The following SPECC1 variants were observed in gnomAD, a reference collection of about 807,000 sequenced individuals.
SPECC1 encodes the protein sperm antigen with calponin homology and coiled-coil domains 1, also known as cytospin-B.
Under a neutral mutation model 104.1 loss-of-function variants are expected in SPECC1, and 62 were observed. The ratio of observed to expected loss-of-function variants is 0.60; its 90% confidence interval spans 0.49 to 0.74. The LOEUF is 0.74. SPECC1 is among the 30% of genes least tolerant of loss of function. The probability of loss-of-function intolerance (pLI) is 0.00; values close to 1 mark genes in which losing one functional copy is unlikely to be tolerated. For missense variants in SPECC1, 1,306 were observed against 1,310.5 expected (o/e 1.00, Z 0.05); for synonymous variants, 513 against 501.6 (o/e 1.02, Z -0.30).
At chr17:20,160,179 C>T (rs2033004585) in intron 3 of SPECC1, among the ~76,000 whole-genome samples, 1 of 152,082 alleles carries the variant, frequency 6.6e-6, no homozygotes, top group African/African-American at 2.4e-5. Flanking sequence ...AGATAAATTC[C>T]AAAATAGCCA....
At chr17:20,252,127 T>C (rs1001557000) in intron 9 of SPECC1, among the ~76,000 whole-genome samples, 1 of 152,152 alleles carries the variant, frequency 6.6e-6, no homozygotes, top group African/African-American at 2.4e-5. Flanking sequence ...TTGAATAATA[T>C]CATGCTTACT....
chr17:20,273,366 T>C (rs2040469583), intron 12 of SPECC1, among the ~76,000 whole-genome samples: 1 of 151,762 alleles, frequency 6.6e-6, no homozygotes, highest in African/African-American at 2.4e-5. Context: ...TAGTCCCAAC[T>C]GCTTGGGAGG....
At chr17:20,159,085 C>T (rs1208817891) in intron 3 of SPECC1, among the ~76,000 whole-genome samples, 1 of 151,916 alleles carries the variant, frequency 6.6e-6, no homozygotes, top group Non-Finnish European at 1.5e-5. Context: ...GCTGAGACTG[C>T]AGGTGTGCAC....
intron 1 of SPECC1, among the ~76,000 whole-genome samples, chr17:20,015,006 C>T (rs572139123): frequency 6.6e-6 from 1 of 152,320 alleles, no homozygotes; most frequent in Admixed American, 6.5e-5. Flanking sequence ...CCACCTGCCT[C>T]GGCCTCCCAA....
chr17:20,297,941 G>A (rs1036448505), intron 13 of SPECC1, among the ~76,000 whole-genome samples: 2 of 152,218 alleles, frequency 1.3e-5, no homozygotes, highest in African/African-American at 2.4e-5. Context: ...CTTATAACAA[G>A]TAAAATTATA....
Position 20,314,913 on chromosome 17 carries a change from T to A in SPECC1, c.*848T>A. The A allele has an allele frequency of 4.3e-6, 1 of 232,270 alleles. No individual in the cohort carries two copies. Among genetic ancestry groups the A allele is most frequent in the Non-Finnish European group, 8.5e-6 (1 of 117,370 alleles). The allele number at this position is 232,270 out of a possible 1,614,324, so 14.4% of individuals were successfully genotyped here. Reference sequence around the variant, plus strand: ...AATGCAAGGGAGCCCCTGGCTGCTTTGCTGGAGTCCCTGGGAGGTGCCCCA... The same window carrying A: ...AATGCAAGGGAGCCCCTGGCTGCTTAGCTGGAGTCCCTGGGAGGTGCCCCA... On this transcript the variant is annotated 3_prime_UTR_variant, in exon 15 of 15. Coordinates refer to ENST00000395527, the MANE Select transcript of SPECC1 (RefSeq NM_001243439.2).
intron 2 of SPECC1, among the ~76,000 whole-genome samples, chr17:20,101,012 T>C (rs1480602098): frequency 2.0e-5 from 3 of 152,254 alleles, no homozygotes; most frequent in Non-Finnish European, 4.4e-5. Context: ...TTTTTATGGC[T>C]GCATAGTATT....
At chr17:20,123,659 C>T (rs2049146846) in intron 3 of SPECC1, among the ~76,000 whole-genome samples, 1 of 152,190 alleles carries the variant, frequency 6.6e-6, no homozygotes, top group East Asian at 1.9e-4. Flanking sequence ...AAATTCAAAC[C>T]CAGGTCCGAC....
At chr17:20,244,324 T>G (rs2039331084) in intron 7 of SPECC1, among the ~76,000 whole-genome samples, 1 of 152,218 alleles carries the variant, frequency 6.6e-6, no homozygotes. Flanking sequence ...AAACCTAACC[T>G]GATTTCTTTT....
chr17:20,154,412 G>A (rs780888930), intron 3 of SPECC1, among the ~76,000 whole-genome samples: 4 of 152,098 alleles, frequency 2.6e-5, no homozygotes, highest in South Asian at 2.1e-4. Flanking sequence ...TGTAGGTGTC[G>A]GGAGGAAGAA....
At chr17:20,260,006 A>T (rs542737559) in intron 11 of SPECC1, among the ~76,000 whole-genome samples, 186 bp from the exon 12 acceptor site, 1 of 152,366 alleles carries the variant, frequency 6.6e-6, no homozygotes, top group African/African-American at 2.4e-5. Flanking sequence ...AGGAAGCACA[A>T]TTTAATTTTT....
chr17:20,131,293 G>A (rs962212406), intron 3 of SPECC1, among the ~76,000 whole-genome samples: 2 of 152,014 alleles, frequency 1.3e-5, no homozygotes, highest in East Asian at 3.9e-4. Context: ...CCAGATTCAA[G>A]TGATTCTCCT....
chr17:20,140,064 GC>G (rs1409860111), intron 3 of SPECC1, among the ~76,000 whole-genome samples: 1 of 152,168 alleles, frequency 6.6e-6, no homozygotes, highest in Non-Finnish European at 1.5e-5. Context: ...TTGAGTTGCT[GC>G]TGGTGGTTAA....
Position 20,237,409 on chromosome 17 carries a change from G to T in SPECC1, c.2351+5004G>T, listed in dbSNP as rs1202631720. 17 of 463,802 alleles carry T rather than the reference G, an allele frequency of 3.7e-5. No individual in the cohort carries two copies. In the Admixed American group the frequency reaches 9.3e-4, roughly 25 times the overall value. 28.7% of individuals were successfully genotyped at this position (463,802 alleles called of 1,614,324 possible). A position where few individuals can be genotyped will look rare whatever the true frequency, so the allele number is the denominator to read the frequency against. On this transcript the variant is annotated intron_variant, in intron 7 of 14. Coordinates refer to ENST00000395527, the MANE Select transcript of SPECC1 (RefSeq NM_001243439.2). ...GGCTCACTGCAACCTCTGCCTCCCGGGTTCAAGTGATTCTCTTGCCTCAGC... is the reference window on the plus strand; with the variant it reads ...GGCTCACTGCAACCTCTGCCTCCCGTGTTCAAGTGATTCTCTTGCCTCAGC...
chr17:20,303,332 T>A (rs1373147), intron 13 of SPECC1, among the ~76,000 whole-genome samples: 107,800 of 152,136 alleles, frequency 0.71, 39,996 homozygotes, highest in East Asian at 0.99. Context: ...AGTGTTAGGG[T>A]AACAAGTGTG....
chr17:20,155,336 G>A (rs1266624258), intron 3 of SPECC1: 1 of 152,184 alleles, frequency 6.6e-6, no homozygotes, highest in Non-Finnish European at 1.5e-5. Context: ...GTGTTCAAGT[G>A]ATGCACGAGA....
intron 9 of SPECC1, among the ~76,000 whole-genome samples, chr17:20,247,921 G>T (rs1269815405): frequency 6.6e-6 from 1 of 152,184 alleles, no homozygotes; most frequent in Non-Finnish European, 1.5e-5. Context: ...GCTGCACTGA[G>T]CTTCCAGGAA....
At chr17:20,282,235 G>A (rs536784320) in intron 12 of SPECC1, among the ~76,000 whole-genome samples, 1 of 152,360 alleles carries the variant, frequency 6.6e-6, no homozygotes, top group East Asian at 1.9e-4. Flanking sequence ...TGTATCTTCT[G>A]TGATTCTGTC....
intron 12 of SPECC1, among the ~76,000 whole-genome samples, chr17:20,272,413 TTAAC>T (rs1275409598): frequency 1.3e-4 from 20 of 152,218 alleles, no homozygotes; most frequent in African/African-American, 4.3e-4. Context: ...ATTTACCATC[TTAAC>T]TATTTTTAAA....
Sources: gnomAD v4.1 joint callset for allele counts (sites outside exome capture counted in the v4.1 genomes callset) on GRCh38, gnomAD v4.1.1 for gene constraint, MANE v1.5 for transcripts, NCBI Gene and HGNC (gene_info 2026-07-23, HGNC 2026-07-21) for gene names.